Variants in KIF7 observed in about 807,000 individuals in gnomAD.
The protein encoded by KIF7 is kinesin family member 7.
A neutral mutation model predicts 135.7 loss-of-function variants in KIF7; 104 were observed. The ratio of observed to expected loss-of-function variants is 0.77; its 90% CI spans 0.65 to 0.90. The LOEUF (loss-of-function observed/expected upper bound fraction) is 0.90. KIF7 is among the 40% of genes least tolerant of loss of function. KIF7 has a pLI of 0.00. For synonymous variants in KIF7, 883 were observed against 809.4 expected (o/e 1.09, Z -1.54); for missense variants, 2,005 against 1,839.1 (o/e 1.09, Z -1.65).
In KIF7 at chr15:89,633,868, T is replaced by G. The variant is rs747460072; in HGVS notation, c.2410A>C (p.Lys804Gln). The change falls in exon 12 of 19, where the codon AAG becomes CAG. Residue 804 changes from lysine to glutamine, a missense_variant. Coordinates refer to ENST00000394412, the MANE Select transcript of KIF7 (RefSeq NM_198525.3). Reference sequence around the variant, plus strand: ...GACACCAGCCGCTCCGTAGCCTGCTTCTTCTCCTTCAGCACCTGGGACCCA... The same window carrying G: ...GACACCAGCCGCTCCGTAGCCTGCTGCTTCTCCTTCAGCACCTGGGACCCA... ...QSQVQVLKEK[K>Q]QATERLVSLS... is the part of the protein sequence containing the mutation. The G allele has an allele frequency of 7.7e-5, 125 of 1,613,822 alleles. No homozygotes were observed. Among genetic ancestry groups the G allele is most frequent in the Non-Finnish European group, 9.3e-5 (110 of 1,180,032 alleles).
Position 89,629,431 on chromosome 15 carries a change from G to T in KIF7, c.3461C>A (p.Thr1154Asn). ...CTGCTCGTGCTCCTTCTGCTGCAGG[G>T]TCAGCTGGCGGTCCATCTCCAGGCG... Reference protein sequence around the residue: ...RQRLEMDRQLTLQQKEHEQNM... With the variant: ...RQRLEMDRQLNLQQKEHEQNM... Residue 1154 changes from threonine (T) to asparagine (N), a missense_variant, in exon 17 of 19, where the codon ACC (threonine) becomes AAC (asparagine). Physicochemically the swap from Thr to Asn is moderately conservative, Grantham distance 65 (BLOSUM62 0). Coordinates refer to ENST00000394412, the MANE Select transcript of KIF7 (RefSeq NM_198525.3). 6.2e-7 allele frequency: 1 copy of T among 1,608,548 alleles called. No individual in the cohort carries two copies.
At chr15:89,626,910 G>C (rs567939114), downstream of KIF7, 1 of 1,593,576 alleles carries the variant, frequency 6.3e-7, no homozygotes, top group Admixed American at 1.7e-5. Context: ...TTTTCAGTTC[G>C]GTCCTCTGTG....
intron 11 of KIF7, among the ~76,000 whole-genome samples, chr15:89,639,626 A>G (rs1963880009): frequency 7.4e-6 from 1 of 134,764 alleles, no homozygotes; most frequent in Admixed American, 7.6e-5. Context: ...GGCAATCATT[A>G]AAAAGTCAGG....
chr15:89,624,692 CA>C, downstream of KIF7: 1 of 1,614,140 alleles, frequency 6.2e-7, no homozygotes, highest in South Asian at 1.1e-5. Context: ...ACAAGTGACA[CA>C]GAGCATGTCA....
chr15:89,621,564 G>A (rs1470117059), intron 1 of KIF7: 2 of 1,599,658 alleles, frequency 1.3e-6, no homozygotes, highest in East Asian at 2.2e-5. Flanking sequence ...TAATGTTTCT[G>A]TAATGTTTGA....
intron 7 of KIF7, 142 bp from the exon 8 acceptor site, chr15:89,646,168 G>T: frequency 9.1e-7 from 1 of 1,097,894 alleles, no homozygotes; most frequent in Non-Finnish European, 1.4e-6. Flanking sequence ...GCAGCCTTCT[G>T]AATCTCAAGC....
At position 89,645,409 on chromosome 15, in the gene KIF7, T is replaced by C; in HGVS notation, c.1965A>G (p.Pro655=). 6.2e-7 allele frequency: 1 copy of C among 1,614,036 alleles called. No individual in the cohort carries two copies. ...GGCCCTTCCTCTCTGGCAGACTCCC[T>C]GGGCGTGCCCCCGCCCTCTGACTGC... ...SNCSQRAGAR[P]GSLPERKGPE... Residue 655 remains proline, a synonymous_variant, in exon 9 of 19, where the codon CCA becomes CCG. Transcript: ENST00000394412.
the KIF7 span, among the ~76,000 whole-genome samples, chr15:89,662,741 C>G: frequency 6.6e-6 from 1 of 152,232 alleles, no homozygotes; most frequent in Non-Finnish European, 1.5e-5. Flanking sequence ...AAGTGATGCC[C>G]CGCAGAACAG....
chr15:89,633,286 G>T lies in KIF7; in HGVS notation c.2593-20C>A. The T allele has an allele frequency of 6.5e-7, 1 of 1,549,142 alleles. No individual in the cohort carries two copies. Reference sequence around the variant, plus strand: ...CAGCTCCTGGGTGAGGAGCTCAGTGGGCAGGGCTGTTTATGGTGCCAGCAT... The same window carrying T: ...CAGCTCCTGGGTGAGGAGCTCAGTGTGCAGGGCTGTTTATGGTGCCAGCAT... On this transcript the variant is annotated intron_variant, in intron 12 of 18. Transcript: ENST00000394412.
chr15:89,630,371 G>A lies in KIF7; in HGVS notation c.3234C>T (p.Ser1078=). The A allele has an allele frequency of 1.2e-6, 2 of 1,614,120 alleles. No individual in the cohort carries two copies. Among genetic ancestry groups the A allele is most frequent in the South Asian group, 1.1e-5 (1 of 91,048 alleles). The change falls in exon 16 of 19, where the codon TCC becomes TCT. Residue 1078 remains serine, a synonymous_variant. Transcript: ENST00000394412. ...TGGCCATGAGGTTCATCTCGCACTGGGACAGCAACGAGGCTGAGGCCCGAA... is the reference window on the plus strand; with the variant it reads ...TGGCCATGAGGTTCATCTCGCACTGAGACAGCAACGAGGCTGAGGCCCGAA... ...RVLRASASLL[S]QCEMNLMAKL...
Position 89,647,649 on chromosome 15 carries a change from TCTC to T in KIF7, c.1504_1506del (p.Glu502del). 1.2e-6 allele frequency: 2 copies of T among 1,611,566 alleles called. No individual in the cohort carries two copies. The highest frequency in any genetic ancestry group is 1.1e-5 in the South Asian group (1 of 91,016). On this transcript the variant is annotated inframe_deletion, in exon 6 of 19. Coordinates refer to ENST00000394412, the MANE Select transcript of KIF7 (RefSeq NM_198525.3). ...TCCAGCGCAGCCAGAAAGTCTCGGT[TCTC>T]CTCCTCCAGCCGCGCCACCTGGTTC...
chr15:89,624,986 A>G, downstream of KIF7: 2 of 1,614,038 alleles, frequency 1.2e-6, no homozygotes, highest in South Asian at 2.2e-5. Context: ...CCACAGACCT[A>G]TGAGGTTGAG....
intron 3 of KIF7, 137 bp downstream of exon 3, chr15:89,649,604 G>A: frequency 9.5e-7 from 1 of 1,048,012 alleles, no homozygotes; most frequent in South Asian, 1.6e-5. Context: ...GTGGAGGCAA[G>A]AAGCTAAAGC....
At chr15:89,656,176 C>T (rs1160777056), upstream of KIF7, among the ~76,000 whole-genome samples, 3 of 152,086 alleles carry the variant, frequency 2.0e-5, no homozygotes, top group African/African-American at 7.3e-5. Flanking sequence ...TAGAAATTGC[C>T]AGGCTCGTCA....
chr15:89,647,463 T>G, intron 6 of KIF7, 133 bp downstream of exon 6: 1 of 793,034 alleles, frequency 1.3e-6, no homozygotes, highest in Non-Finnish European at 2.2e-6. Context: ...TTCGCTCATG[T>G]GCACCTCCTG....
chr15:89,624,182 C>G (rs1963471819), downstream of KIF7: 2 of 1,614,110 alleles, frequency 1.2e-6, no homozygotes, highest in South Asian at 2.2e-5. Flanking sequence ...GCTATCAAAA[C>G]TCCAAAAAGA....
At chr15:89,629,667 C>T in intron 16 of KIF7, 94 bp from the exon 17 acceptor site, 1 of 1,524,408 alleles carries the variant, frequency 6.6e-7, no homozygotes, top group Non-Finnish European at 8.9e-7. Context: ...ACACTTGCCA[C>T]CACGGCACTA....
intron 2 of KIF7, among the ~76,000 whole-genome samples, chr15:89,650,460 CT>C (rs1465523670): frequency 2.0e-5 from 3 of 152,160 alleles, no homozygotes; most frequent in Admixed American, 6.5e-5. Flanking sequence ...GTGGCGTGAT[CT>C]CGGCTCATTG....
Position 89,649,372 on chromosome 15 carries a change from G to C in KIF7, c.530-5C>G. Reference sequence around the variant, plus strand: ...CCTCCTTCACCCCGCACAGCACTGCGGGCACAGAAGGCCGTGAGCCCCAGG... The same window carrying C: ...CCTCCTTCACCCCGCACAGCACTGCCGGCACAGAAGGCCGTGAGCCCCAGG... On this transcript the variant is annotated splice_region_variant and splice_polypyrimidine_tract_variant and intron_variant, in intron 3 of 18. Coordinates refer to ENST00000394412, the MANE Select transcript of KIF7 (RefSeq NM_198525.3). 1 of 1,450,648 alleles carries C rather than the reference G, an allele frequency of 6.9e-7. No individual in the cohort carries two copies. Among genetic ancestry groups the C allele is most frequent in the Non-Finnish European group, 9.1e-7 (1 of 1,099,290 alleles). 89.9% of individuals were successfully genotyped at this position (1,450,648 alleles called of 1,614,324 possible).
Sources: allele counts gnomAD v4.1 joint callset (sites outside exome capture counted in the v4.1 genomes callset), GRCh38; gene constraint gnomAD v4.1.1; transcripts MANE v1.5; gene names NCBI Gene and HGNC (gene_info 2026-07-23, HGNC 2026-07-21).